The following ARHGAP15 variants were observed in gnomAD, a reference collection of about 807,000 sequenced individuals.
The protein encoded by ARHGAP15 is rho GTPase-activating protein 15.
A neutral mutation model predicts 63.7 loss-of-function variants in ARHGAP15; 51 were observed. The ratio of observed to expected loss-of-function variants is 0.80; its 90% CI spans 0.64 to 1.01. The LOEUF is 1.01. Among genes scored for constraint, ARHGAP15 ranks in the 50% least tolerant of loss-of-function variants. The pLI is 0.00. For synonymous variants in ARHGAP15, 191 were observed against 193.8 expected (o/e 0.99, Z 0.12); for missense variants, 560 against 564.6 (o/e 0.99, Z 0.08).
chr2:143,314,216 G>T (rs576106696), intron 6 of ARHGAP15, among the ~76,000 whole-genome samples: 11 of 152,156 alleles, frequency 7.2e-5, no homozygotes, highest in Non-Finnish European at 1.0e-4. Context: ...TGCTAAGGAA[G>T]AAACCAATCT....
At chr2:143,695,863 CA>C (rs57881769) in intron 12 of ARHGAP15, among the ~76,000 whole-genome samples, 175 of 134,966 alleles carry the variant, frequency 1.3e-3, no homozygotes, top group Non-Finnish European at 1.3e-3. Flanking sequence ...CCTTGTCTAC[CA>C]AAAAAAAAAA....
chr2:143,522,397 A>G (rs1383931899), intron 10 of ARHGAP15, among the ~76,000 whole-genome samples: 1 of 152,166 alleles, frequency 6.6e-6, no homozygotes, highest in African/African-American at 2.4e-5. Flanking sequence ...CCTTGCCTTT[A>G]TAGTCGTAGA....
intron 8 of ARHGAP15, among the ~76,000 whole-genome samples, chr2:143,482,535 G>A (rs1381028402): frequency 6.6e-6 from 1 of 152,204 alleles, no homozygotes; most frequent in African/African-American, 2.4e-5. Context: ...GAAATCAGAA[G>A]CAAACTATGT....
intron 8 of ARHGAP15, among the ~76,000 whole-genome samples, chr2:143,451,884 C>T (rs1690424859): frequency 6.6e-6 from 1 of 151,962 alleles, no homozygotes; most frequent in Admixed American, 6.6e-5. Flanking sequence ...CCACAGTCCT[C>T]AGGGTGCCGA....
intron 6 of ARHGAP15, among the ~76,000 whole-genome samples, chr2:143,350,406 C>T (rs1327392994): frequency 2.0e-5 from 3 of 152,002 alleles, no homozygotes; most frequent in African/African-American, 7.2e-5. Flanking sequence ...AAAAGTAAGG[C>T]TAGTATCTTC....
chr2:143,390,835 G>A (rs1369738136), intron 6 of ARHGAP15, among the ~76,000 whole-genome samples: 1 of 152,098 alleles, frequency 6.6e-6, no homozygotes, highest in African/African-American at 2.4e-5. Flanking sequence ...GTACTCCGGG[G>A]AAAATTTGCC....
intron 13 of ARHGAP15, among the ~76,000 whole-genome samples, chr2:143,746,210 C>G (rs1686157857): frequency 6.6e-6 from 1 of 152,062 alleles, no homozygotes; most frequent in Non-Finnish European, 1.5e-5. Context: ...GATACCTTAA[C>G]CTAAAGTAAT....
intron 6 of ARHGAP15, among the ~76,000 whole-genome samples, chr2:143,388,330 G>A (rs1687387737): frequency 1.3e-5 from 2 of 152,144 alleles, no homozygotes; most frequent in Admixed American, 6.6e-5. Context: ...AATTAGATAT[G>A]AGCAAGACAA....
At chr2:143,720,253 A>T (rs1403113007) in intron 13 of ARHGAP15, among the ~76,000 whole-genome samples, 1 of 152,204 alleles carries the variant, frequency 6.6e-6, no homozygotes, top group African/African-American at 2.4e-5. Flanking sequence ...GCAGTTTAGT[A>T]TAAGAAGTGA....
At chr2:143,321,694 C>A (rs998284127) in intron 6 of ARHGAP15, among the ~76,000 whole-genome samples, 1 of 152,234 alleles carries the variant, frequency 6.6e-6, no homozygotes, top group African/African-American at 2.4e-5. Context: ...ACATCTATTA[C>A]AATTCTTTAG....
chr2:143,221,980 G>A (rs1693019558), intron 4 of ARHGAP15, among the ~76,000 whole-genome samples: 1 of 152,180 alleles, frequency 6.6e-6, no homozygotes, highest in South Asian at 2.1e-4. Flanking sequence ...TGAGACTAAG[G>A]TGTGCGCCTA....
intron 6 of ARHGAP15, among the ~76,000 whole-genome samples, chr2:143,252,690 C>T (rs757648818): frequency 2.6e-5 from 4 of 151,936 alleles, no homozygotes; most frequent in Non-Finnish European, 4.4e-5. Context: ...CTTTTCATCA[C>T]CTAAATGCAT....
chr2:143,335,634 A>C (rs1002043364), intron 6 of ARHGAP15, among the ~76,000 whole-genome samples: 1 of 152,236 alleles, frequency 6.6e-6, no homozygotes, highest in African/African-American at 2.4e-5. Flanking sequence ...GCAATAACCC[A>C]GGAAGGAAGG....
intron 2 of ARHGAP15, among the ~76,000 whole-genome samples, chr2:143,165,903 C>G (rs1690479484): frequency 6.9e-6 from 1 of 145,230 alleles, no homozygotes; most frequent in Admixed American, 7.1e-5. Context: ...ATGTACTATC[C>G]TTAACCTCCA....
At chr2:143,492,348 G>C (rs1198745770) in intron 9 of ARHGAP15, among the ~76,000 whole-genome samples, 2 of 152,084 alleles carry the variant, frequency 1.3e-5, no homozygotes, top group Non-Finnish European at 2.9e-5. Flanking sequence ...AGAATTTACA[G>C]CCACCTTCTC....
chr2:143,463,820 T>C (rs1323689996), intron 8 of ARHGAP15, among the ~76,000 whole-genome samples: 4 of 152,190 alleles, frequency 2.6e-5, no homozygotes, highest in Non-Finnish European at 5.9e-5. Context: ...AATTGGTGTG[T>C]GATTGAATGA....
intron 11 of ARHGAP15, among the ~76,000 whole-genome samples, chr2:143,568,449 A>C (rs935538390): frequency 7.9e-5 from 12 of 152,212 alleles, no homozygotes; most frequent in African/African-American, 2.2e-4. Context: ...AAATGCAAAT[A>C]AAAACCACAA....
intron 9 of ARHGAP15, among the ~76,000 whole-genome samples, chr2:143,507,320 C>T (rs530901785): frequency 3.9e-4 from 60 of 152,146 alleles, no homozygotes; most frequent in African/African-American, 1.2e-3. Flanking sequence ...TACTGAACTC[C>T]GTACTTCCAG....
intron 11 of ARHGAP15, 89 bp from the exon 12 acceptor site, chr2:143,624,044 T>C (rs1698743558): frequency 2.0e-6 from 3 of 1,490,632 alleles, no homozygotes; most frequent in African/African-American, 1.4e-5. Context: ...CGGTTGCTGA[T>C]GATAGTAGGC....
Sources: gnomAD v4.1 joint callset for allele counts (sites outside exome capture counted in the v4.1 genomes callset) on GRCh38, gnomAD v4.1.1 for gene constraint, MANE v1.5 for transcripts, NCBI Gene and HGNC (gene_info 2026-07-23, HGNC 2026-07-21) for gene names.